Variants in SLC12A2 observed in about 807,000 individuals in gnomAD.
The protein encoded by SLC12A2 is solute carrier family 12 member 2.
Under a neutral mutation model 136.3 loss-of-function variants are expected in SLC12A2, and 67 were observed. The ratio of observed to expected loss-of-function variants is 0.49; its 90% CI spans 0.40 to 0.60. The LOEUF (loss-of-function observed/expected upper bound fraction) is 0.60, where lower values mean the gene tolerates loss of function less well. Ranked by LOEUF, SLC12A2 falls within the 20% of genes least tolerant of loss-of-function variation. SLC12A2 has a pLI of 0.00. For synonymous variants in SLC12A2, 619 were observed against 562.9 expected (o/e 1.10, Z -1.41); for missense variants, 1,322 against 1,534.7 (o/e 0.86, Z 2.32).
At chr5:128,086,046 A>T (rs931935457) in intron 1 of SLC12A2, among the ~76,000 whole-genome samples, 2 of 152,202 alleles carry the variant, frequency 1.3e-5, no homozygotes, top group South Asian at 2.1e-4. Context: ...ACAAAAGTAG[A>T]TATGGAGCTG....
chr5:128,101,954 A>G (rs1268221566), intron 1 of SLC12A2, among the ~76,000 whole-genome samples: 1 of 152,208 alleles, frequency 6.6e-6, no homozygotes, highest in Non-Finnish European at 1.5e-5. Flanking sequence ...AAAGTCTTTT[A>G]GAGGTAATCT....
At chr5:128,126,966 A>ATATATATATATATATATATAATTTT in intron 4 of SLC12A2, among the ~76,000 whole-genome samples, 17 of 21,160 alleles carry the variant, frequency 8.0e-4, no homozygotes, top group African/African-American at 3.7e-3. Flanking sequence ...ATATATATAT[A>ATATATATATATATATATATAATTTT]TTTTTTTTTT....
intron 4 of SLC12A2, among the ~76,000 whole-genome samples, chr5:128,130,278 A>T (rs1278587036): frequency 1.3e-5 from 2 of 151,864 alleles, no homozygotes; most frequent in African/African-American, 4.8e-5. Context: ...CATGTGTGTA[A>T]TCCTAGCGCT....
intron 4 of SLC12A2, among the ~76,000 whole-genome samples, chr5:128,122,337 T>A (rs1402079076): frequency 6.6e-6 from 1 of 152,216 alleles, no homozygotes; most frequent in East Asian, 1.9e-4. Flanking sequence ...ACTGGGTTTT[T>A]AACAGTGAAA....
intron 4 of SLC12A2, among the ~76,000 whole-genome samples, chr5:128,125,023 C>T (rs1761733084): frequency 6.6e-6 from 1 of 152,130 alleles, no homozygotes; most frequent in Non-Finnish European, 1.5e-5. Flanking sequence ...TGGATGAAGA[C>T]CAAATATATA....
At chr5:128,155,621 T>C (rs1762849461) in intron 15 of SLC12A2, among the ~76,000 whole-genome samples, 1 of 152,214 alleles carries the variant, frequency 6.6e-6, no homozygotes, top group South Asian at 2.1e-4. Flanking sequence ...AGATTTTTGT[T>C]GTCTTCACCT....
Position 128,135,828 on chromosome 5 carries a change from T to C in SLC12A2, c.1408+20T>C. 7.5e-7 allele frequency: 1 copy of C among 1,333,402 alleles called. No individual in the cohort carries two copies. Among genetic ancestry groups the C allele is most frequent in the Non-Finnish European group, 1.1e-6 (1 of 930,968 alleles). The allele number at this position is 1,333,402 out of a possible 1,614,324, so 82.6% of individuals were successfully genotyped here. On this transcript the variant is annotated intron_variant, in intron 7 of 26. Coordinates refer to ENST00000262461, the MANE Select transcript of SLC12A2 (RefSeq NM_001046.3). ...ATAAATGTAAGTAAAAAAGATTCAA[T>C]ATTTTTTAAGGGTACCTATTTATAG...
chr5:128,089,509 A>T (rs1055905168), intron 1 of SLC12A2, among the ~76,000 whole-genome samples: 3 of 152,218 alleles, frequency 2.0e-5, no homozygotes, highest in Middle Eastern at 3.2e-3. Context: ...TCTATCCCTT[A>T]GACCTGTTCT....
intron 1 of SLC12A2, among the ~76,000 whole-genome samples, chr5:128,097,340 A>G (rs1760581759): frequency 6.6e-6 from 1 of 152,118 alleles, no homozygotes; most frequent in South Asian, 2.1e-4. Flanking sequence ...TAACATTAGT[A>G]AATAATCAGT....
At chr5:128,173,073 T>C (rs1008664133) in intron 19 of SLC12A2, among the ~76,000 whole-genome samples, 1 of 152,140 alleles carries the variant, frequency 6.6e-6, no homozygotes, top group Non-Finnish European at 1.5e-5. Flanking sequence ...ATATAACATA[T>C]TACCCCTATC....
At chr5:128,136,671 G>A (rs1477846011) in intron 7 of SLC12A2, among the ~76,000 whole-genome samples, 1 of 151,928 alleles carries the variant, frequency 6.6e-6, no homozygotes, top group Non-Finnish European at 1.5e-5. Context: ...TTTATTCGAT[G>A]TCAGATACCC....
At chr5:128,085,324 C>A (rs1760060759) in intron 1 of SLC12A2, among the ~76,000 whole-genome samples, 1 of 150,222 alleles carries the variant, frequency 6.7e-6, no homozygotes. Context: ...GCGATGAAAA[C>A]GTTTTGGGAG....
chr5:128,185,920 C>G (rs73339308), intron 26 of SLC12A2, among the ~76,000 whole-genome samples: 298 of 151,782 alleles, frequency 2.0e-3, no homozygotes, highest in African/African-American at 6.9e-3. Context: ...ATTATAATAC[C>G]ATATGTTAAG....
At chr5:128,156,790 C>T (rs771553982) in intron 15 of SLC12A2, among the ~76,000 whole-genome samples, 1 of 152,084 alleles carries the variant, frequency 6.6e-6, no homozygotes. Context: ...ATCACTGCAT[C>T]CACAGTCTAG....
chr5:128,127,724 T>C (rs1407646491), intron 4 of SLC12A2, among the ~76,000 whole-genome samples: 1 of 152,154 alleles, frequency 6.6e-6, no homozygotes, highest in African/African-American at 2.4e-5. Flanking sequence ...AATCAAGTCA[T>C]TTAATATATT....
chr5:128,178,482 C>A, intron 21 of SLC12A2, 85 bp from the exon 22 acceptor site: 2 of 1,016,010 alleles, frequency 2.0e-6, no homozygotes, highest in South Asian at 2.2e-5. Context: ...TCTGAATATA[C>A]AAACATTAGG....
chr5:128,114,486 T>C (rs1335805980), intron 3 of SLC12A2, 100 bp from the exon 4 acceptor site: 20 of 889,598 alleles, frequency 2.2e-5, no homozygotes, highest in Non-Finnish European at 3.0e-5. Context: ...AATTTATAAC[T>C]TAAAATGTAG....
intron 23 of SLC12A2, among the ~76,000 whole-genome samples, chr5:128,181,214 A>G (rs1763695435): frequency 6.6e-6 from 1 of 152,202 alleles, no homozygotes; most frequent in South Asian, 2.1e-4. Flanking sequence ...TTAACATACT[A>G]GCATTTTAGA....
At position 128,099,206 on chromosome 5, in the gene SLC12A2, A is replaced by G. The variant is rs1760655504; in HGVS notation, c.757-13608A>G. ...AAACCTAGAGAGCATATTCCACTAC[A>G]CACCTAGGCTATATGGTGTAGCCTG... On this transcript the variant is annotated intron_variant, in intron 1 of 26. Transcript: ENST00000262461. Among the ~76,000 whole-genome samples the G allele has an allele frequency of 1.3e-5, 2 of 152,156 alleles. 1 individual carries two copies. Among genetic ancestry groups the G allele is most frequent in the South Asian group, 4.1e-4 (2 of 4,830 alleles).
Sources: gnomAD v4.1 joint callset for allele counts (sites outside exome capture counted in the v4.1 genomes callset) on GRCh38, gnomAD v4.1.1 for gene constraint, MANE v1.5 for transcripts, NCBI Gene and HGNC (gene_info 2026-07-23, HGNC 2026-07-21) for gene names.